DLG2: variants seen among roughly 807,000 people sequenced by gnomAD.
DLG2 encodes the protein disks large homolog 2.
DLG2 carries 45 observed loss-of-function variants against 132.5 expected under a neutral mutation model. The observed-to-expected ratio is 0.34, with a 90% CI of 0.27 to 0.44. DLG2 has a LOEUF of 0.44. Among genes scored for constraint, DLG2 ranks in the 20% least tolerant of loss-of-function variants. DLG2 has a pLI of 1.00. For synonymous variants in DLG2, 424 were observed against 419.6 expected (o/e 1.01, Z -0.13); for missense variants, 1,045 against 1,196.9 (o/e 0.87, Z 1.87).
At chr11:84,119,555 T>C (rs1471727728) in intron 9 of DLG2, among the ~76,000 whole-genome samples, 1 of 152,028 alleles carries the variant, frequency 6.6e-6, no homozygotes, top group Non-Finnish European at 1.5e-5. Flanking sequence ...ATAAGGGTTG[T>C]GTTTGCTTAA....
At chr11:84,109,460 A>C (rs986113325) in intron 9 of DLG2, among the ~76,000 whole-genome samples, 2 of 152,198 alleles carry the variant, frequency 1.3e-5, no homozygotes, top group East Asian at 3.9e-4. Flanking sequence ...GGCTGGGTGG[A>C]TTGAGTCAGA....
At chr11:83,751,645 G>T (rs1416630833) in intron 18 of DLG2, among the ~76,000 whole-genome samples, 1 of 152,174 alleles carries the variant, frequency 6.6e-6, no homozygotes, top group East Asian at 1.9e-4. Flanking sequence ...ATGTGAAGAT[G>T]AGAGAAAGGG....
At chr11:84,789,666 CTTTTCTATT>C (rs1472468286) in intron 6 of DLG2, among the ~76,000 whole-genome samples, 4 of 152,082 alleles carry the variant, frequency 2.6e-5, no homozygotes, top group African/African-American at 4.8e-5. Flanking sequence ...TTCTTTCTAA[CTTTTCTATT>C]TTTTCTATTT....
chr11:84,430,600 A>C (rs1457455601), intron 7 of DLG2, among the ~76,000 whole-genome samples: 1 of 152,166 alleles, frequency 6.6e-6, no homozygotes, highest in Non-Finnish European at 1.5e-5. Context: ...TCACAATTTT[A>C]CAGTGGTTTT....
chr11:85,626,308 C>G (rs1218931041), intron 2 of DLG2, among the ~76,000 whole-genome samples: 1 of 152,144 alleles, frequency 6.6e-6, no homozygotes, highest in East Asian at 1.9e-4. Flanking sequence ...GCTAAGAAAA[C>G]AAGCTAAAGG....
At chr11:83,841,082 A>G (rs2057420573) in intron 16 of DLG2, among the ~76,000 whole-genome samples, 1 of 152,208 alleles carries the variant, frequency 6.6e-6, no homozygotes, top group Non-Finnish European at 1.5e-5. Context: ...GATTAATATA[A>G]TAGCCCACAT....
intron 3 of DLG2, among the ~76,000 whole-genome samples, chr11:85,535,248 G>A (rs1249607308): frequency 6.6e-6 from 1 of 151,638 alleles, no homozygotes; most frequent in Non-Finnish European, 1.5e-5. Context: ...TGACTTTGAG[G>A]AGAAAAAAGA....
At position 84,830,963 on chromosome 11, in the gene DLG2, C is replaced by CA. The variant is rs1555246510; in HGVS notation, c.357+280697_357+280698insT. 6.4e-5 allele frequency among the ~76,000 whole-genome samples: 7 copies of CA among 108,648 alleles called. No individual in the cohort carries two copies. In the Admixed American group the frequency reaches 6.9e-4, roughly 11 times the overall value. 71.3% of individuals were successfully genotyped at this position (108,648 alleles called of 152,430 possible). On this transcript the variant is annotated intron_variant, in intron 6 of 27. Coordinates refer to ENST00000376104, the MANE Select transcript of DLG2 (RefSeq NM_001142699.3). Reference sequence around the variant, plus strand: ...TCTCTCTCTCTCCTCCCCCCACCCCCCCCAGCTCTGTCTCTATTTCTTTTC... The same window carrying CA: ...TCTCTCTCTCTCCTCCCCCCACCCCCACCCAGCTCTGTCTCTATTTCTTTTC...
intron 7 of DLG2, among the ~76,000 whole-genome samples, chr11:84,285,600 C>A (rs2097902008): frequency 6.6e-6 from 1 of 152,104 alleles, no homozygotes; most frequent in Non-Finnish European, 1.5e-5. Context: ...TTGCTAGATG[C>A]CAGTAATCCT....
intron 11 of DLG2, among the ~76,000 whole-genome samples, chr11:84,055,853 G>T (rs1286980975): frequency 6.6e-6 from 1 of 152,046 alleles, no homozygotes; most frequent in Non-Finnish European, 1.5e-5. Context: ...AATTTTCTTT[G>T]TGAATCTCTA....
At chr11:84,302,863 G>T (rs190257746) in intron 7 of DLG2, among the ~76,000 whole-genome samples, 1 of 152,168 alleles carries the variant, frequency 6.6e-6, no homozygotes, top group Admixed American at 6.5e-5. Context: ...GAGGAAGGTG[G>T]ATCACTTGAG....
At chr11:83,761,842 A>G (rs1479454170) in intron 18 of DLG2, among the ~76,000 whole-genome samples, 1 of 152,200 alleles carries the variant, frequency 6.6e-6, no homozygotes, top group Non-Finnish European at 1.5e-5. Flanking sequence ...TAGCAACTCA[A>G]CAAATCTTAC....
chr11:85,507,735 T>C lies in DLG2; in HGVS notation c.40+90922A>G, dbSNP rs545283068. On this transcript the variant is annotated intron_variant, in intron 3 of 27. Transcript: ENST00000376104. The stretch of plus-strand genomic sequence containing the variant: ...TCTTTGTGGTGTTCTCTGTATTTCC[T>C]GAATTTGAATGTTGGACTTCCTTGC... 2.6e-5 allele frequency among the ~76,000 whole-genome samples: 4 copies of C among 152,306 alleles called. No individual in the cohort carries two copies. The East Asian group carries it at 7.7e-4, about 29-fold the overall frequency.
chr11:84,271,949 C>CAAAAA lies in DLG2; in HGVS notation c.520-20663_520-20659dup, dbSNP rs71036417. On this transcript the variant is annotated intron_variant, in intron 7 of 27. Transcript: ENST00000376104. ...AAGGAATATCACACTTTGATAATAA[C>CAAAAA]AAAAAAAAAAAAAAAAAAAAAAAGG... Among the ~76,000 whole-genome samples the CAAAAA allele has an allele frequency of 9.5e-4, 74 of 77,764 alleles. 1 individual carries two copies. The highest frequency in any genetic ancestry group is 1.4e-3 in the South Asian group (3 of 2,152). 51.0% of individuals were successfully genotyped at this position (77,764 alleles called of 152,430 possible).
At chr11:84,582,521 A>G (rs117498418) in intron 6 of DLG2, among the ~76,000 whole-genome samples, 16,963 of 148,910 alleles carry the variant, frequency 0.11, 1,049 homozygotes, top group Admixed American at 0.16. Context: ...ACATATATAC[A>G]TGTATTTTAA....
intron 3 of DLG2, among the ~76,000 whole-genome samples, chr11:85,583,058 AT>A (rs1312091452): frequency 0.012 from 895 of 76,538 alleles, 20 homozygotes; most frequent in East Asian, 0.022. Context: ...GAAAAAAAAA[AT>A]ATATATATAT....
chr11:84,291,708 T>G (rs1270500202), intron 7 of DLG2, among the ~76,000 whole-genome samples: 1 of 152,208 alleles, frequency 6.6e-6, no homozygotes, highest in South Asian at 2.1e-4. Context: ...TTATTAAATA[T>G]TGGTAGCACA....
At chr11:85,264,650 A>G (rs1053437254) in intron 4 of DLG2, among the ~76,000 whole-genome samples, 3 of 152,136 alleles carry the variant, frequency 2.0e-5, no homozygotes, top group African/African-American at 7.2e-5. Flanking sequence ...GACCAAAACA[A>G]AGCCAAGATA....
chr11:84,430,502 G>T (rs1187572095), intron 7 of DLG2, among the ~76,000 whole-genome samples: 2 of 151,482 alleles, frequency 1.3e-5, no homozygotes, highest in Non-Finnish European at 2.9e-5. Context: ...ACCTCAGAAG[G>T]CTGTAGTAAG....
Sources: allele counts gnomAD v4.1 joint callset (sites outside exome capture counted in the v4.1 genomes callset), GRCh38; gene constraint gnomAD v4.1.1; transcripts MANE v1.5; gene names NCBI Gene and HGNC (gene_info 2026-07-23, HGNC 2026-07-21).